The following MAGI2 variants were observed in gnomAD, a reference collection of about 807,000 sequenced individuals.
The protein encoded by MAGI2 is membrane associated guanylate kinase, WW and PDZ domain containing 2.
In MAGI2, 35 loss-of-function variants were observed where a neutral mutation model predicts 133.3. That is an observed-to-expected ratio of 0.26 (90% CI 0.20 to 0.35). The LOEUF (loss-of-function observed/expected upper bound fraction) is 0.35, where lower values mean the gene tolerates loss of function less well. Among genes scored for constraint, MAGI2 ranks in the 10% least tolerant of loss-of-function variants. The probability of loss-of-function intolerance (pLI) is 1.00; values close to 1 mark genes in which losing one functional copy is unlikely to be tolerated. For synonymous variants in MAGI2, 729 were observed against 710.6 expected, an observed-to-expected ratio of 1.03 and a Z score of -0.41; for missense variants, 1,636 against 1,863.4, an observed-to-expected ratio of 0.88 and a Z score of 2.25.
intron 2 of MAGI2, among the ~76,000 whole-genome samples, chr7:78,995,250 G>C (rs749100780): frequency 6.6e-6 from 1 of 152,032 alleles, no homozygotes; most frequent in Non-Finnish European, 1.5e-5. Flanking sequence ...AAGCTGTGTT[G>C]GATTGCAAAT....
chr7:78,220,297 ACT>A (rs1249996756), intron 10 of MAGI2, among the ~76,000 whole-genome samples: 3 of 151,318 alleles, frequency 2.0e-5, no homozygotes, highest in African/African-American at 7.3e-5. Context: ...TGCTGTCACC[ACT>A]CTTTCTCTTC....
intron 3 of MAGI2, among the ~76,000 whole-genome samples, chr7:78,537,906 G>A (rs534206758): frequency 6.6e-6 from 1 of 152,296 alleles, no homozygotes; most frequent in African/African-American, 2.4e-5. Flanking sequence ...TGGTCATGAA[G>A]TCTTTGCCTG....
intron 3 of MAGI2, among the ~76,000 whole-genome samples, chr7:78,586,410 A>G (rs1313905409): frequency 6.6e-6 from 1 of 151,014 alleles, no homozygotes; most frequent in African/African-American, 2.4e-5. Flanking sequence ...CCTTTCAAAT[A>G]ACTGTGATTC....
At chr7:78,239,988 C>CTT (rs1004259239) in intron 10 of MAGI2, among the ~76,000 whole-genome samples, 1 of 148,396 alleles carries the variant, frequency 6.7e-6, no homozygotes, top group Non-Finnish European at 1.5e-5. Context: ...TTTCCTAGAA[C>CTT]TTTTTTTTTT....
chr7:78,470,657 T>G (rs2150422197), intron 6 of MAGI2, among the ~76,000 whole-genome samples: 1 of 152,284 alleles, frequency 6.6e-6, no homozygotes, highest in Non-Finnish European at 1.5e-5. Context: ...ACAGTATACA[T>G]GGGCTTATAA....
chr7:79,355,666 T>C lies in MAGI2; in HGVS notation c.301+97354A>G, dbSNP rs551270453. Among the ~76,000 whole-genome samples the C allele has an allele frequency of 6.6e-5, 10 of 152,338 alleles. No individual in the cohort carries two copies. The East Asian group carries it at 1.9e-3, about 29-fold the overall frequency. On this transcript the variant is annotated intron_variant, in intron 1 of 21. Transcript: ENST00000354212. Reference sequence around the variant, plus strand: ...ACTGCCACGACTTTTTGTTTTGTTTTGTTTTCCTAAATCAGATAGACAGAT... The same window carrying C: ...ACTGCCACGACTTTTTGTTTTGTTTCGTTTTCCTAAATCAGATAGACAGAT...
chr7:78,134,879 A>C (rs1489080954), intron 17 of MAGI2, 142 bp downstream of exon 17: 8 of 674,868 alleles, frequency 1.2e-5, no homozygotes, highest in Non-Finnish European at 2.0e-5. Flanking sequence ...CAAAAGTGGA[A>C]ATAATAATCA....
intron 3 of MAGI2, among the ~76,000 whole-genome samples, chr7:78,625,117 G>A (rs894363090): frequency 6.6e-6 from 1 of 151,986 alleles, no homozygotes; most frequent in African/African-American, 2.4e-5. Flanking sequence ...GTGTGTGGTT[G>A]TGTCTTAGTT....
chr7:79,318,345 A>AGAC (rs1451460500), intron 1 of MAGI2, among the ~76,000 whole-genome samples: 1 of 152,216 alleles, frequency 6.6e-6, no homozygotes, highest in East Asian at 1.9e-4. Flanking sequence ...CAAGTGGGTT[A>AGAC]TAATTTATTT....
intron 1 of MAGI2, among the ~76,000 whole-genome samples, chr7:79,448,508 C>T (rs182545632): frequency 1.3e-5 from 2 of 152,146 alleles, no homozygotes; most frequent in Admixed American, 1.3e-4. Context: ...ACTTTAAATA[C>T]ATAACTTATC....
At chr7:79,122,021 G>C (rs567665126) in intron 1 of MAGI2, among the ~76,000 whole-genome samples, 1 of 152,122 alleles carries the variant, frequency 6.6e-6, no homozygotes, top group East Asian at 1.9e-4. Flanking sequence ...TACTTAAAAA[G>C]AGATCACTGT....
intron 10 of MAGI2, among the ~76,000 whole-genome samples, chr7:78,209,450 TG>T (rs756331014): frequency 5.6e-4 from 84 of 151,176 alleles, no homozygotes; most frequent in East Asian, 1.8e-3. Flanking sequence ...TTAGTAGAGA[TG>T]GGGGTTTCAC....
chr7:79,027,193 A>G (rs1809981700), intron 1 of MAGI2, among the ~76,000 whole-genome samples: 2 of 152,064 alleles, frequency 1.3e-5, no homozygotes, highest in Non-Finnish European at 1.5e-5. Context: ...ACGTCTGGGT[A>G]TTACTCAAAG....
intron 1 of MAGI2, among the ~76,000 whole-genome samples, chr7:79,186,763 A>ATTTATACAAAAG (rs1216613254): frequency 0.028 from 3,092 of 110,406 alleles, 64 homozygotes; most frequent in African/African-American, 0.034. Flanking sequence ...ATATATATAT[A>ATTTATACAAAAG]TATATATATA....
chr7:78,634,507 C>A (rs1380659166), intron 2 of MAGI2, among the ~76,000 whole-genome samples: 1 of 152,124 alleles, frequency 6.6e-6, no homozygotes, highest in African/African-American at 2.4e-5. Flanking sequence ...TCTGTGAACA[C>A]CTCTTTGGAA....
chr7:78,573,365 AATATATATATAT>A (rs58739225), intron 3 of MAGI2, among the ~76,000 whole-genome samples: 12,937 of 28,984 alleles, frequency 0.45, 3,189 homozygotes, highest in Middle Eastern at 0.71. Context: ...GAATCCTGGA[AATATATATATAT>A]ATATATATAT....
rs1031548800 is a variant in MAGI2, at chr7:79,182,386, C to T, written c.302-175180G>A. Among the ~76,000 whole-genome samples, 3 of 152,038 alleles carry T rather than the reference C, an allele frequency of 2.0e-5. No individual in the cohort carries two copies. The East Asian group carries it at 5.8e-4, about 29-fold the overall frequency. ...AAGAGAGCCTGTACAGAGAAACTTC[C>T]CTTTTTAAAACCATCAGATCTTGCA... is the stretch of plus-strand genomic sequence containing the variant. On this transcript the variant is annotated intron_variant, in intron 1 of 21. Coordinates refer to ENST00000354212, the MANE Select transcript of MAGI2 (RefSeq NM_012301.4).
At chr7:78,677,982 C>T (rs1815235339) in intron 2 of MAGI2, among the ~76,000 whole-genome samples, 1 of 151,970 alleles carries the variant, frequency 6.6e-6, no homozygotes, top group Non-Finnish European at 1.5e-5. Flanking sequence ...GTGGGATGCA[C>T]AGAAAACTTC....
intron 3 of MAGI2, among the ~76,000 whole-genome samples, chr7:78,605,683 A>C (rs929219090): frequency 5.3e-5 from 8 of 152,192 alleles, no homozygotes. Context: ...CACTAAGAGG[A>C]ATCTGGAAGG....
Sources: allele counts gnomAD v4.1 joint callset (sites outside exome capture counted in the v4.1 genomes callset), GRCh38; gene constraint gnomAD v4.1.1; transcripts MANE v1.5; gene names NCBI Gene and HGNC (gene_info 2026-07-23, HGNC 2026-07-21).